Variants in GABRA3 observed in about 807,000 individuals in gnomAD.
GABRA3 encodes gamma-aminobutyric acid receptor subunit alpha-3.
In GABRA3, 10 loss-of-function variants were observed where a neutral mutation model predicts 30.1. That is an observed-to-expected ratio of 0.33 (90% CI 0.20 to 0.56). The LOEUF (loss-of-function observed/expected upper bound fraction) is 0.56. Ranked by LOEUF, GABRA3 falls within the 20% of genes least tolerant of loss-of-function variation. The pLI, the probability that GABRA3 is intolerant of heterozygous loss-of-function variation, is 0.89. For missense variants in GABRA3, 233 were observed against 392.0 expected, an observed-to-expected ratio of 0.59 and a Z score of 3.42; for synonymous variants, 151 against 146.8, an observed-to-expected ratio of 1.03 and a Z score of -0.21.
chrX:152,295,367 C>T (rs747045384), intron 3 of GABRA3, among the ~76,000 whole-genome samples: 1 of 113,009 alleles, frequency 8.8e-6, no homozygotes, highest in South Asian at 3.6e-4. Flanking sequence ...CAAGCTTCCC[C>T]AGCTGCTTTG....
chrX:152,293,442 T>C (rs928989163), intron 3 of GABRA3, among the ~76,000 whole-genome samples: 3 of 111,241 alleles, frequency 2.7e-5, no homozygotes, highest in African/African-American at 9.8e-5. Context: ...ATTTTGAGCC[T>C]ATGTGTGTCT....
At chrX:152,175,009 T>C (rs924089473) in intron 9 of GABRA3, among the ~76,000 whole-genome samples, 1 of 112,048 alleles carries the variant, frequency 8.9e-6, no homozygotes, top group African/African-American at 3.2e-5. Flanking sequence ...TTTCTCCATA[T>C]GGCTAGCCAG....
intron 4 of GABRA3, among the ~76,000 whole-genome samples, chrX:152,275,227 AT>A (rs1569378307): frequency 1.7e-5 from 1 of 58,865 alleles, no homozygotes; most frequent in Non-Finnish European, 2.8e-5. Context: ...TATATATATA[AT>A]TTATATATAT....
intron 3 of GABRA3, among the ~76,000 whole-genome samples, chrX:152,308,721 G>A (rs1328727670): frequency 8.9e-6 from 1 of 112,121 alleles, no homozygotes; most frequent in Non-Finnish European, 1.9e-5. Context: ...CAAGAACTCT[G>A]GAAACTCAAA....
chrX:152,356,150 C>T (rs1940545844), intron 2 of GABRA3, among the ~76,000 whole-genome samples: 1 of 111,964 alleles, frequency 8.9e-6, no homozygotes, highest in African/African-American at 3.2e-5. Flanking sequence ...CCAAAGATTC[C>T]TTACACCAGA....
intron 8 of GABRA3, among the ~76,000 whole-genome samples, chrX:152,194,213 T>G (rs888458533): frequency 9.0e-6 from 1 of 111,481 alleles, no homozygotes; most frequent in Non-Finnish European, 1.9e-5. Context: ...GTATTTAAAG[T>G]GATGTCTCCA....
rs764733759 is a variant in GABRA3 at position 152,271,562 on chromosome X, T to A, written c.330+13106A>T. 3.5e-4 allele frequency among the ~76,000 whole-genome samples: 39 copies of A among 112,281 alleles called. No individual in the cohort carries two copies. The South Asian group carries it at 0.014, about 39-fold the overall frequency. On this transcript the variant is annotated intron_variant, in intron 4 of 9. Coordinates refer to ENST00000370314, the MANE Select transcript of GABRA3 (RefSeq NM_000808.4). ...GAAAACGTTCAGCCTGAAAATGTGA[T>A]AGAAAAGAAAAACCCATTTTCTGGG...
chrX:152,359,073 G>A (rs773622715), intron 2 of GABRA3, among the ~76,000 whole-genome samples: 90 of 111,732 alleles, frequency 8.1e-4, no homozygotes, highest in Middle Eastern at 9.2e-3. Context: ...GGTTCTCACA[G>A]AATGAGTTAG....
chrX:152,314,527 C>T (rs755302602), intron 3 of GABRA3, among the ~76,000 whole-genome samples: 29 of 112,204 alleles, frequency 2.6e-4, no homozygotes, highest in Non-Finnish European at 5.1e-4. Context: ...CATGATCTGG[C>T]TTCTGCCTAC....
intron 1 of GABRA3, among the ~76,000 whole-genome samples, chrX:152,403,831 CA>C (rs1314572250): frequency 9.1e-6 from 1 of 110,319 alleles, no homozygotes; most frequent in Non-Finnish European, 1.9e-5. Context: ...GGTGGTGAAA[CA>C]AAAATCAAAG....
intron 1 of GABRA3, among the ~76,000 whole-genome samples, chrX:152,424,057 CA>C (rs1313592561): frequency 9.0e-6 from 1 of 110,904 alleles, no homozygotes; most frequent in Non-Finnish European, 1.9e-5. Flanking sequence ...GTAATAAGAA[CA>C]ATTTTTGTAT....
At chrX:152,446,216 G>A (rs1312967783) in intron 1 of GABRA3, among the ~76,000 whole-genome samples, 1 of 112,090 alleles carries the variant, frequency 8.9e-6, no homozygotes, top group Non-Finnish European at 1.9e-5. Context: ...CAACTCTGCT[G>A]TGAAGTTTAA....
intron 8 of GABRA3, among the ~76,000 whole-genome samples, chrX:152,196,434 GGAAGGAAGGAAGGAA>G (rs1445656443): frequency 8.5e-5 from 9 of 106,231 alleles, no homozygotes; most frequent in Non-Finnish European, 1.5e-4. Context: ...AAGAAAGAAA[GGAAGGAAGGAAGGAA>G]GAAGGAAGGA....
chrX:152,295,889 A>AT lies in GABRA3; in HGVS notation c.263-11155dup, dbSNP rs760040465. Among the ~76,000 whole-genome samples the AT allele has an allele frequency of 5.4e-5, 6 of 111,348 alleles. No individual in the cohort carries two copies. The Admixed American group carries it at 5.7e-4, about 11-fold the overall frequency. On this transcript the variant is annotated intron_variant, in intron 3 of 9. Transcript: ENST00000370314. ...TGAGCACCCTCACTGTACCCTATTAATTTTTTTCCTCTGGCTCAGGTCAGA... is the reference window on the plus strand; with the variant it reads ...TGAGCACCCTCACTGTACCCTATTAATTTTTTTTCCTCTGGCTCAGGTCAGA...
intron 6 of GABRA3, among the ~76,000 whole-genome samples, 167 bp from the exon 7 acceptor site, chrX:152,208,311 C>A (rs1358327628): frequency 8.9e-6 from 1 of 112,255 alleles, no homozygotes; most frequent in East Asian, 2.8e-4. Flanking sequence ...ATCCATCCAT[C>A]CATACAATAA....
intron 3 of GABRA3, among the ~76,000 whole-genome samples, chrX:152,295,432 G>A (rs1393630245): frequency 8.8e-6 from 1 of 113,015 alleles, no homozygotes; most frequent in Non-Finnish European, 1.9e-5. Context: ...CCAGGCTGTT[G>A]CCTCACAGGT....
Position 152,394,694 on chromosome X carries a change from A to T in GABRA3, c.-26-30098T>A, listed in dbSNP as rs1274143596. On this transcript the variant is annotated intron_variant, in intron 1 of 9. Transcript: ENST00000370314. ...TGTTTAAGTTTAAATACGTAGTACA[A>T]CTTCAATCACAGTATATGAGCACAA... Among the ~76,000 whole-genome samples the T allele has an allele frequency of 3.6e-5, 4 of 112,590 alleles. No homozygotes were observed. In the Admixed American group the frequency reaches 3.8e-4, roughly 11 times the overall value.
intron 3 of GABRA3, among the ~76,000 whole-genome samples, chrX:152,312,306 T>C (rs1336860746): frequency 8.9e-6 from 1 of 111,941 alleles, no homozygotes; most frequent in East Asian, 2.8e-4. Context: ...CAATAGAACA[T>C]GCTACAGAAC....
intron 6 of GABRA3, among the ~76,000 whole-genome samples, chrX:152,223,962 G>A (rs150623480): frequency 0.024 from 2,678 of 111,292 alleles, 44 homozygotes; most frequent in Middle Eastern, 0.071. Context: ...TGCATTCCAA[G>A]CTCCTAGAAT....
Sources: gnomAD v4.1 joint callset for allele counts (sites outside exome capture counted in the v4.1 genomes callset) on GRCh38, gnomAD v4.1.1 for gene constraint, MANE v1.5 for transcripts, NCBI Gene and HGNC (gene_info 2026-07-23, HGNC 2026-07-21) for gene names.